Variants in EIF4G3 observed in about 807,000 individuals in gnomAD.
EIF4G3 encodes the protein eukaryotic translation initiation factor 4 gamma 3.
Under a neutral mutation model 186.4 loss-of-function variants are expected in EIF4G3, and 34 were observed. The observed-to-expected ratio is 0.18, with a 90% CI of 0.14 to 0.24. The LOEUF (loss-of-function observed/expected upper bound fraction) is 0.24. Ranked by LOEUF, EIF4G3 falls within the 10% of genes least tolerant of loss-of-function variation. The probability of loss-of-function intolerance (pLI) is 1.00; values close to 1 mark genes in which losing one functional copy is unlikely to be tolerated. For synonymous variants in EIF4G3, 673 were observed against 679.5 expected (o/e 0.99, Z 0.15); for missense variants, 1,536 against 1,948.5 (o/e 0.79, Z 3.99).
Position 20,899,925 on chromosome 1 carries a change from G to C in EIF4G3, c.1771C>G (p.Leu591Val), listed in dbSNP as rs768308451. The C allele has an allele frequency of 1.9e-6, 3 of 1,612,518 alleles. No homozygotes were observed. The highest frequency in any genetic ancestry group is 1.7e-4 in the Middle Eastern group (1 of 6,056). ...GATTCAAGTACTTTGTCAATGGAAA[G>C]CTCCTCTTCAGCTTTAAGCTAAATA... is the stretch of plus-strand genomic sequence containing the variant. ...AELELKAEEELSIDKVLESEQ... is the reference protein window; with the variant it reads ...AELELKAEEEVSIDKVLESEQ... The change falls in exon 16 of 37, where the codon CTT becomes GTT. Residue 591 changes from leucine (L) to valine (V), a missense_variant. Physicochemically the swap from Leu to Val is conservative, Grantham distance 32 (BLOSUM62 1). Coordinates refer to ENST00000602326, the MANE Select transcript of EIF4G3 (RefSeq NM_001391906.1).
chr1:20,952,740 T>C (rs538027724), intron 12 of EIF4G3, among the ~76,000 whole-genome samples: 67 of 152,074 alleles, frequency 4.4e-4, no homozygotes, highest in African/African-American at 1.5e-3. Flanking sequence ...ATTCCAGCTA[T>C]TCGGGAGGCT....
At chr1:20,959,601 G>A (rs2154564454) in intron 12 of EIF4G3, among the ~76,000 whole-genome samples, 1 of 150,614 alleles carries the variant, frequency 6.6e-6, no homozygotes, top group East Asian at 1.9e-4. Context: ...AACCCATAGA[G>A]ATGCAAACTA....
chr1:20,966,473 A>G (rs2074686138), intron 12 of EIF4G3, among the ~76,000 whole-genome samples: 1 of 150,470 alleles, frequency 6.6e-6, no homozygotes. Context: ...CAATGGGTCA[A>G]CATTTTTTTT....
intron 2 of EIF4G3, among the ~76,000 whole-genome samples, chr1:21,134,791 T>C (rs1273977174): frequency 2.0e-5 from 3 of 152,188 alleles, no homozygotes; most frequent in East Asian, 3.8e-4. Context: ...CAAGAGACTT[T>C]AGTTACATTT....
At position 21,112,101 on chromosome 1, in the gene EIF4G3, T is replaced by C. The variant is rs1434754379; in HGVS notation, c.-271-22888A>G. 2.0e-5 allele frequency among the ~76,000 whole-genome samples: 3 copies of C among 152,220 alleles called. No individual in the cohort carries two copies. The East Asian group carries it at 5.8e-4, about 29-fold the overall frequency. On this transcript the variant is annotated intron_variant, in intron 2 of 36. Transcript: ENST00000602326. Reference sequence around the variant, plus strand: ...CTTCTCCAAAGGCCTCCACTTACACTTTTTAATTAAGTCTATTTTTCCCCT... The same window carrying C: ...CTTCTCCAAAGGCCTCCACTTACACCTTTTAATTAAGTCTATTTTTCCCCT...
At chr1:20,962,180 G>C (rs929653749) in intron 12 of EIF4G3, among the ~76,000 whole-genome samples, 9 of 152,160 alleles carry the variant, frequency 5.9e-5, no homozygotes, top group African/African-American at 2.2e-4. Flanking sequence ...TCAGGAGCTA[G>C]AGGAACTGAC....
chr1:20,921,103 ATTG>A (rs1216642400), intron 14 of EIF4G3, among the ~76,000 whole-genome samples: 4 of 152,142 alleles, frequency 2.6e-5, no homozygotes, highest in Non-Finnish European at 5.9e-5. Context: ...TTATAAGAAA[ATTG>A]TTAATCTATA....
intron 19 of EIF4G3, 128 bp downstream of exon 19, chr1:20,886,073 T>C: frequency 8.4e-7 from 1 of 1,194,760 alleles, no homozygotes; most frequent in Non-Finnish European, 1.2e-6. Context: ...TTAGAATAAT[T>C]CTTTTAATAG....
intron 14 of EIF4G3, among the ~76,000 whole-genome samples, chr1:20,935,569 A>C (rs2095492512): frequency 6.6e-6 from 1 of 152,170 alleles, no homozygotes; most frequent in Non-Finnish European, 1.5e-5. Flanking sequence ...ATTTTTAAGG[A>C]TACATAATAG....
intron 3 of EIF4G3, among the ~76,000 whole-genome samples, chr1:21,066,294 GAAA>G (rs11330786): frequency 2.2e-5 from 3 of 138,178 alleles, no homozygotes; most frequent in Non-Finnish European, 3.1e-5. Flanking sequence ...ACTCCTGGAG[GAAA>G]AAAAAAAAAA....
chr1:21,066,066 G>C (rs1458335497), intron 3 of EIF4G3, among the ~76,000 whole-genome samples: 1 of 152,056 alleles, frequency 6.6e-6, no homozygotes, highest in African/African-American at 2.4e-5. Context: ...GCTGAAGTGG[G>C]AGAGGGCCAA....
chr1:20,895,394 G>C lies in EIF4G3; in HGVS notation c.2107C>G (p.Pro703Ala). Residue 703 changes from proline to alanine, a missense_variant, in exon 17 of 37, where the codon CCT becomes GCT. Coordinates refer to ENST00000602326, the MANE Select transcript of EIF4G3 (RefSeq NM_001391906.1). ...TTGTCAAGAACCACATCACTGATAGGAGGCAGGCCCTCTGGTTTTTGTATA... is the reference window on the plus strand; with the variant it reads ...TTGTCAAGAACCACATCACTGATAGCAGGCAGGCCCTCTGGTTTTTGTATA... ...ACIQKPEGLP[P>A]ISDVVLDKIN... 1 of 1,613,886 alleles carries C rather than the reference G, an allele frequency of 6.2e-7. No individual in the cohort carries two copies. The highest frequency in any genetic ancestry group is 2.2e-5 in the East Asian group (1 of 44,872).
intron 13 of EIF4G3, among the ~76,000 whole-genome samples, chr1:20,944,065 C>T (rs1247980264): frequency 1.4e-5 from 2 of 141,310 alleles, no homozygotes; most frequent in Admixed American, 1.5e-4. Flanking sequence ...ATGGAACACA[C>T]CATATATAAC....
At chr1:21,077,219 T>G (rs758817313) in intron 3 of EIF4G3, among the ~76,000 whole-genome samples, 2 of 151,966 alleles carry the variant, frequency 1.3e-5, no homozygotes, top group Non-Finnish European at 2.9e-5. Flanking sequence ...CAACATAGTG[T>G]GACCCCATAG....
intron 4 of EIF4G3, among the ~76,000 whole-genome samples, chr1:21,050,389 C>CT (rs2094139727): frequency 6.6e-6 from 1 of 152,178 alleles, no homozygotes; most frequent in Admixed American, 6.5e-5. Flanking sequence ...TCAACAAAAA[C>CT]TTAAGCCTAT....
intron 17 of EIF4G3, 113 bp downstream of exon 17, chr1:20,895,255 A>T: frequency 8.4e-7 from 1 of 1,196,092 alleles, no homozygotes; most frequent in Non-Finnish European, 1.2e-6. Context: ...AGATATTTTT[A>T]CATCATTTGG....
intron 33 of EIF4G3, among the ~76,000 whole-genome samples, chr1:20,820,354 A>G (rs1232798652): frequency 6.6e-6 from 1 of 152,204 alleles, no homozygotes; most frequent in Non-Finnish European, 1.5e-5. Context: ...CTAGGCATGC[A>G]GCACCTGGGC....
chr1:20,812,061 A>G (rs1277388832), intron 35 of EIF4G3, among the ~76,000 whole-genome samples: 1 of 152,240 alleles, frequency 6.6e-6, no homozygotes, highest in Non-Finnish European at 1.5e-5. Context: ...CCTCAGTACA[A>G]AGACACATAC....
intron 25 of EIF4G3, among the ~76,000 whole-genome samples, chr1:20,857,162 CAAAAAAAA>C (rs577290987): frequency 1.3e-4 from 6 of 47,362 alleles, no homozygotes; most frequent in African/African-American, 1.7e-4. Flanking sequence ...GACTCCATCT[CAAAAAAAA>C]AAAAAAAAAG....
Sources: allele counts gnomAD v4.1 joint callset (sites outside exome capture counted in the v4.1 genomes callset), GRCh38; gene constraint gnomAD v4.1.1; transcripts MANE v1.5; gene names NCBI Gene and HGNC (gene_info 2026-07-23, HGNC 2026-07-21).